CLIP1: variants seen among roughly 807,000 people sequenced by gnomAD.
CLIP1 encodes the protein CAP-Gly domain-containing linker protein 1.
In CLIP1, 66 loss-of-function variants were observed where a neutral mutation model predicts 161.6. The observed-to-expected ratio is 0.41, with a 90% CI of 0.33 to 0.50. The LOEUF (loss-of-function observed/expected upper bound fraction) is 0.50, where lower values mean the gene tolerates loss of function less well. Ranked by LOEUF, CLIP1 falls within the 20% of genes least tolerant of loss-of-function variation. The pLI is 0.27. For missense variants in CLIP1, 1,376 were observed against 1,702.0 expected, an observed-to-expected ratio of 0.81 and a Z score of 3.37; for synonymous variants, 598 against 626.2, an observed-to-expected ratio of 0.96 and a Z score of 0.67.
chr12:122,403,960 G>A (rs909604868), intron 1 of CLIP1, among the ~76,000 whole-genome samples: 1 of 152,218 alleles, frequency 6.6e-6, no homozygotes, highest in South Asian at 2.1e-4. Flanking sequence ...CTCAGAATGT[G>A]TGCCCTAACA....
intron 24 of CLIP1, among the ~76,000 whole-genome samples, chr12:122,276,063 G>C (rs1955414242): frequency 6.6e-6 from 1 of 152,120 alleles, no homozygotes; most frequent in Non-Finnish European, 1.5e-5. Flanking sequence ...ATAATGAAAA[G>C]TCTCATTTCT....
Position 122,352,792 on chromosome 12 carries a change from G to A in CLIP1, c.1308-6C>T. The A allele has an allele frequency of 2.5e-6, 4 of 1,611,318 alleles. No individual in the cohort carries two copies. Among genetic ancestry groups the A allele is most frequent in the Non-Finnish European group, 3.4e-6 (4 of 1,177,960 alleles). ...ACTGAAGGTCCTCAACCTTCCTGTG[G>A]AATAAAACCCAAACAAAACACTTAA... is the stretch of plus-strand genomic sequence containing the variant. On this transcript the variant is annotated splice_polypyrimidine_tract_variant and splice_region_variant and intron_variant, in intron 7 of 25. Transcript: ENST00000620786.
intron 1 of CLIP1, among the ~76,000 whole-genome samples, chr12:122,394,058 T>C (rs1279149857): frequency 1.3e-5 from 2 of 152,252 alleles, no homozygotes; most frequent in East Asian, 3.9e-4. Context: ...GTGATGTCTC[T>C]CTGACACTGA....
intron 1 of CLIP1, among the ~76,000 whole-genome samples, chr12:122,409,357 C>A (rs189161097): frequency 2.0e-5 from 3 of 151,734 alleles, no homozygotes; most frequent in Admixed American, 6.6e-5. Context: ...AACTCCTGGC[C>A]TCAAGTGATC....
In CLIP1 at chr12:122,360,883, A is replaced by C. The variant is rs552174194; in HGVS notation, c.1005+76T>G. Reference sequence around the variant, plus strand: ...ACAAGGACAAGCAAAGCAGCAAAGCAGCAAAGCAGGGGCACTGACCACGGG... The same window carrying C: ...ACAAGGACAAGCAAAGCAGCAAAGCCGCAAAGCAGGGGCACTGACCACGGG... On this transcript the variant is annotated intron_variant, in intron 5 of 25. Coordinates refer to ENST00000620786, the MANE Select transcript of CLIP1 (RefSeq NM_001247997.2). 2.1e-5 allele frequency: 25 copies of C among 1,197,830 alleles called. 1 individual carries two copies. The South Asian group carries it at 3.6e-4, about 17-fold the overall frequency. The allele number at this position is 1,197,830 out of a possible 1,614,324, so 74.2% of individuals were successfully genotyped here.
chr12:122,341,093 T>C lies in CLIP1; in HGVS notation c.2111A>G (p.Lys704Arg). 1 of 1,613,898 alleles carries C rather than the reference T, an allele frequency of 6.2e-7. No individual in the cohort carries two copies. The highest frequency in any genetic ancestry group is 8.5e-7 in the Non-Finnish European group (1 of 1,179,976). Residue 704 changes from lysine (K) to arginine (R), a missense_variant, in exon 11 of 26, where the codon AAA becomes AGA. Lys to Arg is a conservative substitution (Grantham distance 26, BLOSUM62 2). Coordinates refer to ENST00000620786, the MANE Select transcript of CLIP1 (RefSeq NM_001247997.2). ...ALRAKLMKVI[K>R]EKENSLEAIR... ...GGCTTCCAGACTGTTTTCCTTTTCTTTAATAACTTTCATCAGTTTAGCCCT... is the reference window on the plus strand; with the variant it reads ...GGCTTCCAGACTGTTTTCCTTTTCTCTAATAACTTTCATCAGTTTAGCCCT...
chr12:122,387,557 TATATATATATATATATATATATATATATA>T, intron 1 of CLIP1, among the ~76,000 whole-genome samples: 1 of 9,744 alleles, frequency 1.0e-4, no homozygotes, highest in Non-Finnish European at 4.5e-4. Flanking sequence ...CATATATATA[TATATATATATATATATATATATATATATA>T]TATATTTTTT....
intron 20 of CLIP1, among the ~76,000 whole-genome samples, chr12:122,290,832 G>A (rs988798171): frequency 1.3e-5 from 2 of 151,268 alleles, no homozygotes; most frequent in Non-Finnish European, 2.9e-5. Context: ...ATAGCAAGCT[G>A]CATCTAGCAG....
At chr12:122,300,929 C>T (rs906989673) in intron 20 of CLIP1, among the ~76,000 whole-genome samples, 3 of 152,160 alleles carry the variant, frequency 2.0e-5, no homozygotes, top group Admixed American at 2.0e-4. Context: ...TGGCAGGACA[C>T]AGTATCACTT....
chr12:122,279,026 A>G lies in CLIP1; in HGVS notation c.3765+2T>C. On this transcript the variant is annotated splice_donor_variant, in intron 22 of 25. Coordinates refer to ENST00000620786, the MANE Select transcript of CLIP1 (RefSeq NM_001247997.2). LOFTEE classifies it high-confidence loss of function. The surrounding 1 kb of genome is among the most constrained non-coding windows in gnomAD (Gnocchi z 4.5). ...GCTCGTGCACCCTGGGTGGTACTCT[A>G]CCTCATTTCTCAGTTTCTCCAGCTC... The G allele has an allele frequency of 1.2e-6, 2 of 1,607,080 alleles. No individual in the cohort carries two copies. Among genetic ancestry groups the G allele is most frequent in the Non-Finnish European group, 1.7e-6 (2 of 1,175,264 alleles).
chr12:122,422,721 C>CCCAG (rs1555289349), upstream of CLIP1: 2 of 137,580 alleles, frequency 1.5e-5, no homozygotes, highest in Non-Finnish European at 3.2e-5. Context: ...GCCGCGCCCG[C>CCCAG]CCGGCCGGCC....
Position 122,330,217 on chromosome 12 carries a change from A to G in CLIP1, c.2868-1791T>C, listed in dbSNP as rs186824553. Among the ~76,000 whole-genome samples, 575 of 152,294 alleles carry G rather than the reference A, an allele frequency of 3.8e-3. 2 individuals are homozygous for G. Among genetic ancestry groups the G allele is most frequent in the African/African-American group, 0.013 (550 of 41,568 alleles). On this transcript the variant is annotated intron_variant, in intron 15 of 25. Transcript: ENST00000620786. ...AGGGAAACTTGGGGGGCACTTCTGA[A>G]TTTTATAGCCACAAAATACCTACAA... is the stretch of plus-strand genomic sequence containing the variant.
chr12:122,388,210 G>GTAGGCCAGCT (rs1171706149), intron 1 of CLIP1, among the ~76,000 whole-genome samples: 1 of 150,880 alleles, frequency 6.6e-6, no homozygotes, highest in Non-Finnish European at 1.5e-5. Flanking sequence ...AACTCTGAGG[G>GTAGGCCAGCT]TAGGCCAGCT....
intron 1 of CLIP1, among the ~76,000 whole-genome samples, chr12:122,411,049 A>G (rs998242795): frequency 2.0e-5 from 3 of 152,200 alleles, no homozygotes; most frequent in Non-Finnish European, 4.4e-5. Flanking sequence ...TAGAGTTCGC[A>G]TATGACCCAG....
At chr12:122,312,997 C>G (rs1373895815) in intron 19 of CLIP1, among the ~76,000 whole-genome samples, 1 of 152,176 alleles carries the variant, frequency 6.6e-6, no homozygotes, top group African/African-American at 2.4e-5. Flanking sequence ...TCCCATTACA[C>G]AGTCCTCTTA....
chr12:122,391,403 T>G (rs7973480), intron 1 of CLIP1, among the ~76,000 whole-genome samples: 1 of 151,434 alleles, frequency 6.6e-6, no homozygotes, highest in Non-Finnish European at 1.5e-5. Flanking sequence ...CTGGCCAACA[T>G]GGTGACACCC....
chr12:122,362,187 C>A (rs756636402), intron 4 of CLIP1, among the ~76,000 whole-genome samples: 1 of 150,856 alleles, frequency 6.6e-6, no homozygotes, highest in African/African-American at 2.4e-5. Context: ...CTCCTGATCT[C>A]GTGATCTGCC....
chr12:122,390,172 G>T (rs1302566215), intron 1 of CLIP1, among the ~76,000 whole-genome samples: 5 of 93,524 alleles, frequency 5.3e-5, no homozygotes, highest in Admixed American at 1.3e-4. Flanking sequence ...CACAGTCTCA[G>T]ATATATATAT....
intron 1 of CLIP1, among the ~76,000 whole-genome samples, chr12:122,380,819 A>G (rs1010567376): frequency 6.6e-6 from 1 of 152,074 alleles, no homozygotes; most frequent in Non-Finnish European, 1.5e-5. Flanking sequence ...GCACTTTGGG[A>G]GGCTAAGATA....
Sources: allele counts gnomAD v4.1 joint callset (sites outside exome capture counted in the v4.1 genomes callset), GRCh38; gene constraint gnomAD v4.1.1; non-coding constraint Gnocchi (gnomAD v3.1); transcripts MANE v1.5; gene names NCBI Gene and HGNC (gene_info 2026-07-23, HGNC 2026-07-21).